NUP153: variants seen among roughly 807,000 people sequenced by gnomAD.
NUP153 encodes nuclear pore complex protein Nup153.
In NUP153, 27 loss-of-function variants were observed where a neutral mutation model predicts 134.6. The ratio of observed to expected loss-of-function variants is 0.20; its 90% CI spans 0.15 to 0.28. The LOEUF (loss-of-function observed/expected upper bound fraction) is 0.28. Among genes scored for constraint, NUP153 ranks in the 10% least tolerant of loss-of-function variants. The pLI, the probability that NUP153 is intolerant of heterozygous loss-of-function variation, is 1.00. For missense variants in NUP153, 1,821 were observed against 1,731.3 expected (o/e 1.05, Z -0.92); for synonymous variants, 640 against 623.5 (o/e 1.03, Z -0.40).
chr6:17,616,174 C>A lies in NUP153; in HGVS notation c.4351G>T (p.Gly1451Trp), dbSNP rs144981009. ...SPAAFTVGSN[G>W]KNVFSSSGTS... ...CCAGAAGAAGAGAACACATTTTTCC[C>A]ATTTGACCTGTGAAAAATAAAAACT... The change falls in exon 22 of 22, where the codon GGG becomes TGG. Residue 1451 changes from glycine (G) to tryptophan (W), a missense_variant. Physicochemically the swap from Gly to Trp is radical, Grantham distance 184 (BLOSUM62 -2). Coordinates refer to ENST00000262077, the MANE Select transcript of NUP153 (RefSeq NM_005124.4). The A allele has an allele frequency of 3.1e-4, 496 of 1,576,472 alleles. 1 individual carries two copies. Among genetic ancestry groups the A allele is most frequent in the Admixed American group, 4.5e-4 (26 of 57,438 alleles).
intron 5 of NUP153, among the ~76,000 whole-genome samples, chr6:17,674,417 T>A (rs553993736): frequency 6.6e-6 from 1 of 152,194 alleles, no homozygotes; most frequent in African/African-American, 2.4e-5. Flanking sequence ...AATGTTTATA[T>A]ACCCTAAATG....
Position 17,615,547 on chromosome 6 carries a change from T to C in NUP153, c.*550A>G, listed in dbSNP as rs1293128471. The C allele has an allele frequency of 6.6e-6, 1 of 152,666 alleles. No homozygotes were observed. Among genetic ancestry groups the C allele is most frequent in the Admixed American group, 6.5e-5 (1 of 15,282 alleles). 9.5% of individuals were successfully genotyped at this position (152,666 alleles called of 1,614,324 possible). On this transcript the variant is annotated 3_prime_UTR_variant, in exon 22 of 22. Transcript: ENST00000262077. This position sits in a 1 kb window ranked among gnomAD's most constrained non-coding sequence, Gnocchi z 5.7. Reference sequence around the variant, plus strand: ...GAGTGAACTAGATCTAACAAGTCCTTAGCACGGACCATTCTTTAATCAGGC... The same window carrying C: ...GAGTGAACTAGATCTAACAAGTCCTCAGCACGGACCATTCTTTAATCAGGC...
intron 2 of NUP153, among the ~76,000 whole-genome samples, chr6:17,681,508 C>A (rs1188545215): frequency 6.6e-6 from 1 of 152,004 alleles, no homozygotes; most frequent in Non-Finnish European, 1.5e-5. Context: ...TGGCGTGAAC[C>A]CAGATGGAGG....
At chr6:17,673,987 T>TAC (rs1442654690) in intron 5 of NUP153, among the ~76,000 whole-genome samples, 1 of 152,166 alleles carries the variant, frequency 6.6e-6, no homozygotes, top group Non-Finnish European at 1.5e-5. Context: ...GTACTAACCA[T>TAC]ACTACTCAGC....
At chr6:17,643,763 T>C (rs919552610) in intron 14 of NUP153, among the ~76,000 whole-genome samples, 6 of 152,150 alleles carry the variant, frequency 3.9e-5, no homozygotes, top group Admixed American at 1.3e-4. Flanking sequence ...CAACTCTAAA[T>C]AGGCCACTCA....
rs557127546 is a variant in NUP153 at position 17,666,004 on chromosome 6, A to T, written c.1069-619T>A. 5.8e-3 allele frequency among the ~76,000 whole-genome samples: 834 copies of T among 143,388 alleles called. 4 individuals carry two copies. Among genetic ancestry groups the T allele is most frequent in the African/African-American group, 0.02 (758 of 38,182 alleles). The allele number at this position is 143,388 out of a possible 152,430, so 94.1% of individuals were successfully genotyped here. A position where few individuals can be genotyped will look rare whatever the true frequency, so the allele number is the denominator to read the frequency against. On this transcript the variant is annotated intron_variant, in intron 8 of 21. Transcript: ENST00000262077. Reference sequence around the variant, plus strand: ...TCACCTGGCTTTTTTTTTTTTTTTTAAATGGAGACTAGGTCTTGCTGTGTT... The same window carrying T: ...TCACCTGGCTTTTTTTTTTTTTTTTTAATGGAGACTAGGTCTTGCTGTGTT...
rs550044324 is a variant in NUP153, at chr6:17,665,454, C to G, written c.1069-69G>C. On this transcript the variant is annotated intron_variant, in intron 8 of 21. Coordinates refer to ENST00000262077, the MANE Select transcript of NUP153 (RefSeq NM_005124.4). ...TCAATGATTCATATCTAAATTTTGA[C>G]AATAGCTAACATGACCTAAAGACCA... 5 of 1,234,900 alleles carry G rather than the reference C, an allele frequency of 4.0e-6. No homozygotes were observed. In the African/African-American group the frequency reaches 7.5e-5, roughly 19 times the overall value. 76.5% of individuals were successfully genotyped at this position (1,234,900 alleles called of 1,614,324 possible).
At position 17,616,617 on chromosome 6, in the gene NUP153, C is replaced by T. The variant is rs749372288; in HGVS notation, c.4253G>A (p.Gly1418Asp). ...GGCTGCAGGTGTGCTAGAATTTGCACCAAATGTGAACACTCCTGATGGACT... is the reference window on the plus strand; with the variant it reads ...GGCTGCAGGTGTGCTAGAATTTGCATCAAATGTGAACACTCCTGATGGACT... ...NNSPSGVFTFGANSSTPAASA... is the reference protein window; with the variant it reads ...NNSPSGVFTFDANSSTPAASA... The change falls in exon 21 of 22, where the codon GGT (glycine) becomes GAT (aspartate). Residue 1418 changes from glycine (G) to aspartate (D), a missense_variant. Transcript: ENST00000262077. 1 of 1,614,140 alleles carries T rather than the reference C, an allele frequency of 6.2e-7. No individual in the cohort carries two copies. Among genetic ancestry groups the T allele is most frequent in the South Asian group, 1.1e-5 (1 of 91,084 alleles).
chr6:17,652,037 G>T, intron 11 of NUP153: 1 of 396,408 alleles, frequency 2.5e-6, no homozygotes, highest in South Asian at 1.0e-4. Flanking sequence ...GTGACAGAGT[G>T]ACATCTCATC....
At chr6:17,626,443 T>C (rs1282030344) in intron 18 of NUP153, among the ~76,000 whole-genome samples, 1 of 152,196 alleles carries the variant, frequency 6.6e-6, no homozygotes, top group Non-Finnish European at 1.5e-5. Flanking sequence ...CAAATCTAAC[T>C]GGATACTGTA....
chr6:17,659,162 A>T (rs1458719448), intron 11 of NUP153, among the ~76,000 whole-genome samples: 1 of 152,250 alleles, frequency 6.6e-6, no homozygotes, highest in Non-Finnish European at 1.5e-5. Context: ...TCGCCAACTG[A>T]CTATCACTTC....
chr6:17,664,220 C>G (rs1467955867), intron 9 of NUP153, among the ~76,000 whole-genome samples: 1 of 152,052 alleles, frequency 6.6e-6, no homozygotes, highest in Non-Finnish European at 1.5e-5. Flanking sequence ...ATGAGATTTT[C>G]AAAGGGTGGG....
At chr6:17,650,919 G>A (rs2113801660) in intron 11 of NUP153, among the ~76,000 whole-genome samples, 1 of 152,316 alleles carries the variant, frequency 6.6e-6, no homozygotes, top group African/African-American at 2.4e-5. Context: ...TTTACAGGAT[G>A]TGGTATGAAA....
intron 9 of NUP153, among the ~76,000 whole-genome samples, chr6:17,663,815 C>A (rs867567400): frequency 3.9e-5 from 6 of 152,012 alleles, no homozygotes; most frequent in Admixed American, 6.6e-5. Flanking sequence ...ACACAAAAAA[C>A]CAGACAAACC....
At position 17,625,856 on chromosome 6, in the gene NUP153, T is replaced by C. The variant is rs1449158926; in HGVS notation, c.3853A>G (p.Thr1285Ala). 5 of 1,614,176 alleles carry C rather than the reference T, an allele frequency of 3.1e-6. No individual in the cohort carries two copies. Among genetic ancestry groups the C allele is most frequent in the Admixed American group, 3.3e-5 (2 of 60,014 alleles). The change falls in exon 19 of 22, where the codon ACC becomes GCC. Residue 1285 changes from threonine (T) to alanine (A), a missense_variant. Thr to Ala is a moderately conservative substitution (Grantham distance 58). Transcript: ENST00000262077. The surrounding 1 kb of genome is among the most constrained non-coding windows in gnomAD (Gnocchi z 4.7). ...FGPGASSNNT[T>A]TSGFGFGATT... Reference sequence around the variant, plus strand: ...GCTCCAAAGCCGAAACCAGAGGTGGTAGTATTATTACTGCTGGCTCCTGGA... The same window carrying C: ...GCTCCAAAGCCGAAACCAGAGGTGGCAGTATTATTACTGCTGGCTCCTGGA...
chr6:17,622,370 C>T (rs996387840), intron 20 of NUP153, among the ~76,000 whole-genome samples: 2 of 152,168 alleles, frequency 1.3e-5, no homozygotes. Flanking sequence ...CAGGCTCAGG[C>T]AGGAGGATGG....
chr6:17,645,672 T>C (rs538731034), intron 14 of NUP153, among the ~76,000 whole-genome samples: 1 of 152,296 alleles, frequency 6.6e-6, no homozygotes, highest in African/African-American at 2.4e-5. Context: ...ATAACCTTTA[T>C]ACATAAAAAT....
In NUP153 at chr6:17,695,835, C is replaced by A. The variant is rs567830415; in HGVS notation, c.112-7217G>T. ...CCATCCTGGCTAACACGGTGAAACC[C>A]TGTCTCTACTAAAAATACAAAAAAT... On this transcript the variant is annotated intron_variant, in intron 1 of 21. Transcript: ENST00000262077. 1.4e-4 allele frequency among the ~76,000 whole-genome samples: 22 copies of A among 152,212 alleles called. No individual in the cohort carries two copies. The South Asian group carries it at 4.4e-3, about 30-fold the overall frequency.
chr6:17,706,661 A>G lies in NUP153; in HGVS notation c.-274T>C. ...GCGGACCCCCGCCTCTGTGTGTGTC[A>G]CGGTCTCTATGGAGATCTCCCGCAG... On this transcript the variant is annotated 5_prime_UTR_variant, in exon 1 of 22. Transcript: ENST00000262077. This position sits in a 1 kb window ranked among gnomAD's most constrained non-coding sequence, Gnocchi z 5.9. 8 of 531,266 alleles carry G rather than the reference A, an allele frequency of 1.5e-5. No individual in the cohort carries two copies. Among genetic ancestry groups the G allele is most frequent in the Non-Finnish European group, 2.7e-5 (8 of 298,636 alleles). The allele number at this position is 531,266 out of a possible 1,614,324, so 32.9% of individuals were successfully genotyped here.
Sources: gnomAD v4.1 joint callset for allele counts (sites outside exome capture counted in the v4.1 genomes callset) on GRCh38, gnomAD v4.1.1 for gene constraint, Gnocchi (gnomAD v3.1) non-coding constraint, MANE v1.5 for transcripts, NCBI Gene and HGNC (gene_info 2026-07-23, HGNC 2026-07-21) for gene names.